The following PDGFC variants were observed in gnomAD, a reference collection of about 807,000 sequenced individuals.
PDGFC encodes platelet derived growth factor C.
PDGFC carries 12 observed loss-of-function variants against 35.5 expected under a neutral mutation model. The observed-to-expected ratio is 0.34, with a 90% CI of 0.22 to 0.55. The LOEUF (loss-of-function observed/expected upper bound fraction) is 0.55, where lower values mean the gene tolerates loss of function less well. PDGFC is among the 20% of genes least tolerant of loss of function. PDGFC has a pLI of 0.91. For synonymous variants in PDGFC, 159 were observed against 148.8 expected (o/e 1.07, Z -0.50); for missense variants, 322 against 412.4 (o/e 0.78, Z 1.90).
intron 3 of PDGFC, among the ~76,000 whole-genome samples, chr4:156,789,951 T>G (rs552334911): frequency 6.4e-5 from 8 of 125,372 alleles, no homozygotes; most frequent in African/African-American, 2.2e-4. Flanking sequence ...TACTCCAGCC[T>G]GGATGACAGA....
chr4:156,796,491 A>ATTTTTTTTT (rs35891804), intron 3 of PDGFC, among the ~76,000 whole-genome samples: 1 of 101,628 alleles, frequency 9.8e-6, no homozygotes, highest in Admixed American at 1.1e-4. Context: ...ACCACTTTGT[A>ATTTTTTTTT]TTTTTTTTTT....
chr4:156,777,920 A>G (rs1730869714), intron 3 of PDGFC, among the ~76,000 whole-genome samples: 1 of 152,056 alleles, frequency 6.6e-6, no homozygotes, highest in African/African-American at 2.4e-5. Context: ...CCTGGCCAAC[A>G]TAGTGAAACC....
intron 1 of PDGFC, among the ~76,000 whole-genome samples, chr4:156,913,904 G>C (rs769678397): frequency 6.6e-6 from 1 of 152,000 alleles, no homozygotes; most frequent in Non-Finnish European, 1.5e-5. Context: ...GCTGACAAAG[G>C]GATTTTTCCC....
Position 156,762,820 on chromosome 4 carries a change from A to T in PDGFC, c.*270T>A, listed in dbSNP as rs1730413233. On this transcript the variant is annotated 3_prime_UTR_variant, in exon 6 of 6. Transcript: ENST00000502773. ...ATACGTACATGGTAACTCTGAAACT[A>T]GCTGGTGATCTATTTAATACAACAT... The T allele has an allele frequency of 3.2e-6, 1 of 310,548 alleles. No homozygotes were observed. Among genetic ancestry groups the T allele is most frequent in the Admixed American group, 4.3e-5 (1 of 23,378 alleles). The allele number at this position is 310,548 out of a possible 1,614,324, so 19.2% of individuals were successfully genotyped here. A position where few individuals can be genotyped will look rare whatever the true frequency, so the allele number is the denominator to read the frequency against.
rs558326974 is a variant in PDGFC at position 156,858,756 on chromosome 4, G to A, written c.119-8340C>T. On this transcript the variant is annotated intron_variant, in intron 1 of 5. Transcript: ENST00000502773. ...TAATAATACTGTTGTGGCAAAAACT[G>A]GCTAACGTGGTTAACCACAAATTCA... 6.6e-5 allele frequency among the ~76,000 whole-genome samples: 10 copies of A among 152,148 alleles called. No individual in the cohort carries two copies. The South Asian group carries it at 2.1e-3, about 32-fold the overall frequency.
chr4:156,945,853 C>T (rs1015867783), intron 1 of PDGFC, among the ~76,000 whole-genome samples: 1 of 152,056 alleles, frequency 6.6e-6, no homozygotes, highest in African/African-American at 2.4e-5. Context: ...CCCAATCTGA[C>T]TCCTAAATCA....
chr4:156,923,353 G>T (rs908934182), intron 1 of PDGFC, among the ~76,000 whole-genome samples: 1 of 152,120 alleles, frequency 6.6e-6, no homozygotes, highest in Admixed American at 6.5e-5. Flanking sequence ...CAGCCTTTGA[G>T]CCTTAAGAGA....
At chr4:156,953,023 G>C (rs947697198) in intron 1 of PDGFC, among the ~76,000 whole-genome samples, 4 of 151,756 alleles carry the variant, frequency 2.6e-5, no homozygotes, top group African/African-American at 9.7e-5. Context: ...AAAATGTTTG[G>C]AGTACCAACA....
chr4:156,923,816 G>GA lies in PDGFC; in HGVS notation c.118+46969dup, dbSNP rs574351373. Among the ~76,000 whole-genome samples, 425 of 149,224 alleles carry GA rather than the reference G, an allele frequency of 2.8e-3. 1 individual carries two copies. Among genetic ancestry groups the GA allele is most frequent in the African/African-American group, 9.2e-3 (376 of 40,764 alleles). ...GTAACGAACTGGGGACAAAGAGATG[G>GA]AAAAAAAAAATCCATTCTTGCACTT... is the stretch of plus-strand genomic sequence containing the variant. On this transcript the variant is annotated intron_variant, in intron 1 of 5. Transcript: ENST00000502773.
chr4:156,813,328 T>C (rs1731992966), intron 2 of PDGFC, among the ~76,000 whole-genome samples: 1 of 152,120 alleles, frequency 6.6e-6, no homozygotes, highest in South Asian at 2.1e-4. Context: ...ACTGCTCTGC[T>C]AGATTCTCAG....
chr4:156,848,990 T>C (rs1256893559), intron 2 of PDGFC, among the ~76,000 whole-genome samples: 1 of 152,052 alleles, frequency 6.6e-6, no homozygotes, highest in African/African-American at 2.4e-5. Flanking sequence ...ACAAAAGGGA[T>C]AGGATTACTT....
chr4:156,788,503 T>C (rs1208535023), intron 3 of PDGFC, among the ~76,000 whole-genome samples: 4 of 152,176 alleles, frequency 2.6e-5, no homozygotes, highest in Non-Finnish European at 4.4e-5. Context: ...AACTGAGCAA[T>C]TGGCTGTCTT....
intron 3 of PDGFC, among the ~76,000 whole-genome samples, chr4:156,787,813 G>A (rs942855801): frequency 6.6e-6 from 1 of 152,112 alleles, no homozygotes; most frequent in Non-Finnish European, 1.5e-5. Flanking sequence ...GGTAAGTAGC[G>A]TGAGGAAAGT....
At chr4:156,908,682 G>T (rs1033935641) in intron 1 of PDGFC, among the ~76,000 whole-genome samples, 20 of 152,000 alleles carry the variant, frequency 1.3e-4, no homozygotes, top group African/African-American at 4.8e-4. Flanking sequence ...TTGACTTCTG[G>T]CTACCTAAAC....
Position 156,825,466 on chromosome 4 carries a change from C to A in PDGFC, c.315-14449G>T, listed in dbSNP as rs188714899. The stretch of plus-strand genomic sequence containing the variant: ...TGGGGAGGCTGAGGTGGGAGGATCA[C>A]TTGAGAATGGGAGGTCAAGGCTGCA... On this transcript the variant is annotated intron_variant, in intron 2 of 5. Transcript: ENST00000502773. Among the ~76,000 whole-genome samples, 519 of 150,274 alleles carry A rather than the reference C, an allele frequency of 3.5e-3. 3 individuals carry two copies. The highest frequency in any genetic ancestry group is 0.031 in the Middle Eastern group (9 of 290).
intron 3 of PDGFC, among the ~76,000 whole-genome samples, chr4:156,794,146 G>A (rs755379850): frequency 2.6e-5 from 4 of 152,058 alleles, no homozygotes; most frequent in African/African-American, 4.8e-5. Context: ...ACTTTAAACC[G>A]TGTTTCTTCA....
chr4:156,806,991 A>T (rs140860302), intron 3 of PDGFC, among the ~76,000 whole-genome samples: 232 of 149,922 alleles, frequency 1.5e-3, no homozygotes, highest in African/African-American at 5.5e-3. Flanking sequence ...TTCCCAAACA[A>T]TCTCTCACTG....
intron 2 of PDGFC, among the ~76,000 whole-genome samples, chr4:156,827,404 G>A (rs1175818275): frequency 1.4e-5 from 2 of 147,400 alleles, no homozygotes; most frequent in Non-Finnish European, 3.0e-5. Flanking sequence ...GTGACAGAGT[G>A]AGACTCCATC....
chr4:156,844,842 T>C (rs1204758740), intron 2 of PDGFC, among the ~76,000 whole-genome samples: 4 of 152,038 alleles, frequency 2.6e-5, no homozygotes, highest in African/African-American at 9.7e-5. Context: ...ATGTAACCTC[T>C]ATTAAAATAA....
Sources: gnomAD v4.1 joint callset for allele counts (sites outside exome capture counted in the v4.1 genomes callset) on GRCh38, gnomAD v4.1.1 for gene constraint, MANE v1.5 for transcripts, NCBI Gene and HGNC (gene_info 2026-07-23, HGNC 2026-07-21) for gene names.